The following GTF2A1 variants were observed in gnomAD, a reference collection of about 807,000 sequenced individuals.
GTF2A1 encodes transcription initiation factor IIA subunit 1.
A neutral mutation model predicts 54.1 loss-of-function variants in GTF2A1; 12 were observed. That is an observed-to-expected ratio of 0.22 (90% confidence interval 0.14 to 0.36). The LOEUF (loss-of-function observed/expected upper bound fraction) is 0.36. GTF2A1 is among the 10% of genes least tolerant of loss of function. The probability of loss-of-function intolerance (pLI) is 1.00; values close to 1 mark genes in which losing one functional copy is unlikely to be tolerated. For synonymous variants in GTF2A1, 145 were observed against 152.0 expected, an observed-to-expected ratio of 0.95 and a Z score of 0.34; for missense variants, 335 against 442.2, an observed-to-expected ratio of 0.76 and a Z score of 2.17.
At chr14:81,199,764 A>G (rs1367611951) in intron 4 of GTF2A1, among the ~76,000 whole-genome samples, 1 of 152,174 alleles carries the variant, frequency 6.6e-6, no homozygotes, top group African/African-American at 2.4e-5. Flanking sequence ...TAAGAGATGG[A>G]CCACTAATTT....
Position 81,180,020 on chromosome 14 carries a change from C to T in GTF2A1, c.*203G>A, listed in dbSNP as rs1228450794. 1.9e-5 allele frequency: 2 copies of T among 106,594 alleles called. No homozygotes were observed. Among genetic ancestry groups the T allele is most frequent in the Admixed American group, 2.2e-4 (2 of 9,234 alleles). The allele number at this position is 106,594 out of a possible 1,614,324, so 6.6% of individuals were successfully genotyped here. On this transcript the variant is annotated 3_prime_UTR_variant, in exon 9 of 9. Transcript: ENST00000553612. ...AAACCCCAACCCTCCCACCCAAAAA[C>T]CCTAGGTGCTACAGTTCCATGGCTT...
chr14:81,190,860 G>C (rs1892860923), intron 7 of GTF2A1, among the ~76,000 whole-genome samples: 1 of 152,128 alleles, frequency 6.6e-6, no homozygotes, highest in South Asian at 2.1e-4. Context: ...AGATACAAAA[G>C]AATCTACAGA....
In GTF2A1 at chr14:81,204,072, T is replaced by C. The variant is rs1373684255; in HGVS notation, c.165A>G (p.Ala55=). The change falls in exon 3 of 9, where the codon GCA becomes GCG. Residue 55 remains alanine, a synonymous_variant. Coordinates refer to ENST00000553612, the MANE Select transcript of GTF2A1 (RefSeq NM_015859.4). ...GCTCTTCTGAATGAAATCCATCTACTGCCCTGGACTGCATTAGTTTGTTTT... is the reference window on the plus strand; with the variant it reads ...GCTCTTCTGAATGAAATCCATCTACCGCCCTGGACTGCATTAGTTTGTTTT... ...LWENKLMQSR[A]VDGFHSEEQQ... is the part of the protein sequence containing the mutation. 7 of 1,613,370 alleles carry C rather than the reference T, an allele frequency of 4.3e-6. No individual in the cohort carries two copies. Among genetic ancestry groups the C allele is most frequent in the Non-Finnish European group, 5.9e-6 (7 of 1,179,454 alleles).
At chr14:81,219,360 T>A (rs1487534626) in intron 1 of GTF2A1, among the ~76,000 whole-genome samples, 1 of 152,180 alleles carries the variant, frequency 6.6e-6, no homozygotes, top group African/African-American at 2.4e-5. Flanking sequence ...TCTCAGCAGC[T>A]CTCACTATTT....
chr14:81,204,191 T>G, intron 2 of GTF2A1, 87 bp from the exon 3 acceptor site: 4 of 911,504 alleles, frequency 4.4e-6, no homozygotes, highest in Non-Finnish European at 3.7e-6. Context: ...TTTATAAAGT[T>G]ATTCCATTTT....
At position 81,220,704 on chromosome 14, in the gene GTF2A1, T is replaced by G; in HGVS notation, c.-186A>C. ...GGAGAGAGGAGGAGGAGGGGGGCACTCCTCCCGCAGCTGAAAACCTCGAGA... is the reference window on the plus strand; with the variant it reads ...GGAGAGAGGAGGAGGAGGGGGGCACGCCTCCCGCAGCTGAAAACCTCGAGA... On this transcript the variant is annotated 5_prime_UTR_variant, in exon 1 of 9. Transcript: ENST00000553612. 2.8e-5 allele frequency: 7 copies of G among 247,404 alleles called. No individual in the cohort carries two copies. The highest frequency in any genetic ancestry group is 6.2e-5 in the East Asian group (1 of 16,122). 15.3% of individuals were successfully genotyped at this position (247,404 alleles called of 1,614,324 possible).
chr14:81,201,637 A>G lies in GTF2A1; in HGVS notation c.359T>C (p.Val120Ala). 1 of 1,610,854 alleles carries G rather than the reference A, an allele frequency of 6.2e-7. No homozygotes were observed. Among genetic ancestry groups the G allele is most frequent in the South Asian group, 1.1e-5 (1 of 91,008 alleles). Residue 120 changes from valine to alanine, a missense_variant, in exon 4 of 9, where the codon GTT becomes GCT. By Grantham distance (64) the Val-to-Ala change is moderately conservative. Coordinates refer to ENST00000553612, the MANE Select transcript of GTF2A1 (RefSeq NM_015859.4). ...ATGCTGTATCAACTTAGAATCTGGAACAATAACTTGTGGTGCTGTGGCTAC... is the reference window on the plus strand; with the variant it reads ...ATGCTGTATCAACTTAGAATCTGGAGCAATAACTTGTGGTGCTGTGGCTAC... ...SQQATAPQVI[V>A]PDSKLIQHMN...
intron 7 of GTF2A1, among the ~76,000 whole-genome samples, chr14:81,188,152 T>C (rs1892789906): frequency 6.6e-6 from 1 of 152,252 alleles, no homozygotes. Flanking sequence ...ATTCAAGTTC[T>C]TTGCCAGTTT....
At chr14:81,215,309 TGAA>T (rs1893463491) in intron 2 of GTF2A1, among the ~76,000 whole-genome samples, 1 of 152,234 alleles carries the variant, frequency 6.6e-6, no homozygotes, top group Non-Finnish European at 1.5e-5. Flanking sequence ...CCTGTGCACT[TGAA>T]TTGTGAATTT....
At chr14:81,194,596 T>C (rs969266026) in intron 6 of GTF2A1, among the ~76,000 whole-genome samples, 2 of 152,188 alleles carry the variant, frequency 1.3e-5, no homozygotes, top group Admixed American at 6.5e-5. Flanking sequence ...CATAAACATA[T>C]AAAGTACATA....
chr14:81,187,834 T>C (rs1892783316), intron 7 of GTF2A1, among the ~76,000 whole-genome samples: 1 of 152,210 alleles, frequency 6.6e-6, no homozygotes, highest in African/African-American at 2.4e-5. Flanking sequence ...TTCTCTTGTG[T>C]ATATATTTAA....
At position 81,175,678 on chromosome 14, in the gene GTF2A1, A is replaced by G. The variant is rs1377877254; in HGVS notation, c.*4545T>C. ...AAACCTCAGTAATCCAATTCTCCTAATATGCAATTATTTATAACCTCTGAA... is the reference window on the plus strand; with the variant it reads ...AAACCTCAGTAATCCAATTCTCCTAGTATGCAATTATTTATAACCTCTGAA... On this transcript the variant is annotated 3_prime_UTR_variant, in exon 9 of 9. Transcript: ENST00000553612. 1.3e-5 allele frequency: 2 copies of G among 152,184 alleles called. No individual in the cohort carries two copies. The highest frequency in any genetic ancestry group is 2.9e-5 in the Non-Finnish European group (2 of 68,018). The allele number at this position is 152,184 out of a possible 1,614,324, so 9.4% of individuals were successfully genotyped here.
At chr14:81,185,263 T>C (rs1352893622) in intron 8 of GTF2A1, among the ~76,000 whole-genome samples, 4 of 152,194 alleles carry the variant, frequency 2.6e-5, no homozygotes, top group African/African-American at 4.8e-5. Context: ...TTACTCTGCT[T>C]ACAAGTTCAA....
chr14:81,204,370 A>C (rs553253140), intron 2 of GTF2A1: 10 of 556,844 alleles, frequency 1.8e-5, no homozygotes, highest in South Asian at 1.2e-4. Context: ...GTAATTCCTT[A>C]ATCAGCAGTT....
At position 81,220,578 on chromosome 14, in the gene GTF2A1, CAAAAAAAA is replaced by C; in HGVS notation, c.-68_-61del. On this transcript the variant is annotated 5_prime_UTR_variant, in exon 1 of 9. Coordinates refer to ENST00000553612, the MANE Select transcript of GTF2A1 (RefSeq NM_015859.4). ...CAAGAAAACAAGATAAAAACAAAACCAAAAAAAAAAAAACTATAACACCCGGAGGGTGA... is the reference window on the plus strand; with the variant it reads ...CAAGAAAACAAGATAAAAACAAAACCAAAAACTATAACACCCGGAGGGTGA... 1.0e-6 allele frequency: 1 copy of C among 1,002,518 alleles called. No individual in the cohort carries two copies. Among genetic ancestry groups the C allele is most frequent in the South Asian group, 1.8e-5 (1 of 57,118 alleles). 62.1% of individuals were successfully genotyped at this position (1,002,518 alleles called of 1,614,324 possible).
At chr14:81,192,376 C>T in intron 7 of GTF2A1, 143 bp downstream of exon 7, 1 of 627,018 alleles carries the variant, frequency 1.6e-6, no homozygotes, top group Non-Finnish European at 2.7e-6. Flanking sequence ...AAAGTTAAAA[C>T]AATCTAACTT....
At chr14:81,204,267 A>C in intron 2 of GTF2A1, 163 bp from the exon 3 acceptor site, 1 of 760,112 alleles carries the variant, frequency 1.3e-6, no homozygotes, top group Non-Finnish European at 2.4e-6. Context: ...ACAATAACAA[A>C]AACAAAATTT....
Position 81,216,534 on chromosome 14 carries a change from GA to G in GTF2A1, c.31-21del. The G allele has an allele frequency of 8.8e-7, 1 of 1,137,986 alleles. No individual in the cohort carries two copies. The highest frequency in any genetic ancestry group is 1.3e-6 in the Non-Finnish European group (1 of 765,218). 70.5% of individuals were successfully genotyped at this position (1,137,986 alleles called of 1,614,324 possible). On this transcript the variant is annotated intron_variant, in intron 1 of 8. Transcript: ENST00000553612. ...TTTAGGCTTTAAAGGAAAAATAAAA[GA>G]CTTGAAAAAGACAGTTTTTCACAGC...
chr14:81,220,578 CA>C lies in GTF2A1; in HGVS notation c.-61del, dbSNP rs1039595901. On this transcript the variant is annotated 5_prime_UTR_variant, in exon 1 of 9. Transcript: ENST00000553612. ...CAAGAAAACAAGATAAAAACAAAAC[CA>C]AAAAAAAAAAAACTATAACACCCGG... is the stretch of plus-strand genomic sequence containing the variant. 49,705 of 960,060 alleles carry C rather than the reference CA, an allele frequency of 0.052. 33 individuals carry two copies. Among genetic ancestry groups the C allele is most frequent in the South Asian group, 0.06 (3,255 of 54,018 alleles). The allele number at this position is 960,060 out of a possible 1,614,324, so 59.5% of individuals were successfully genotyped here.
Sources: allele counts gnomAD v4.1 joint callset (sites outside exome capture counted in the v4.1 genomes callset), GRCh38; gene constraint gnomAD v4.1.1; transcripts MANE v1.5; gene names NCBI Gene and HGNC (gene_info 2026-07-23, HGNC 2026-07-21).